DOCK7: variants seen among roughly 807,000 people sequenced by gnomAD.
The protein encoded by DOCK7 is dedicator of cytokinesis 7.
DOCK7 carries 138 observed loss-of-function variants against 271.0 expected under a neutral mutation model. The ratio of observed to expected loss-of-function variants is 0.51; its 90% CI spans 0.44 to 0.59. The LOEUF is 0.59. Among genes scored for constraint, DOCK7 ranks in the 20% least tolerant of loss-of-function variants. DOCK7 has a pLI of 0.00. For missense variants in DOCK7, 2,066 were observed against 2,592.4 expected (o/e 0.80, Z 4.41); for synonymous variants, 823 against 876.1 (o/e 0.94, Z 1.07).
intron 37 of DOCK7, among the ~76,000 whole-genome samples, chr1:62,504,032 G>T (rs1225850538): frequency 3.0e-5 from 4 of 135,380 alleles, no homozygotes; most frequent in African/African-American, 1.1e-4. Context: ...GGGCGACTGA[G>T]TGAGACTCCG....
chr1:62,490,852 T>C (rs950217372), intron 41 of DOCK7, among the ~76,000 whole-genome samples: 2 of 152,042 alleles, frequency 1.3e-5, no homozygotes, highest in African/African-American at 4.8e-5. Context: ...GGAACTGGAA[T>C]TGGAATGGTC....
chr1:62,537,831 TTAAAAC>T, intron 28 of DOCK7, 54 bp downstream of exon 28: 3 of 1,482,414 alleles, frequency 2.0e-6, no homozygotes, highest in Non-Finnish European at 2.8e-6. Flanking sequence ...TTTCCATTGT[TTAAAAC>T]TATTCTTCAC....
intron 4 of DOCK7, 122 bp downstream of exon 4, chr1:62,653,603 T>C (rs1342951841): frequency 1.5e-6 from 1 of 658,144 alleles, no homozygotes; most frequent in African/African-American, 1.9e-5. Flanking sequence ...AGTTCTTCTT[T>C]TGTTTCTTCA....
At chr1:62,477,389 T>C (rs1356111492) in intron 44 of DOCK7, among the ~76,000 whole-genome samples, 1 of 152,210 alleles carries the variant, frequency 6.6e-6, no homozygotes, top group Non-Finnish European at 1.5e-5. Context: ...ACTTAATTCT[T>C]TGTCTTTTTC....
chr1:62,598,783 C>A, intron 14 of DOCK7: 1 of 1,603,100 alleles, frequency 6.2e-7, no homozygotes, highest in South Asian at 1.1e-5. Flanking sequence ...ACAGCATAGT[C>A]AAATAAAAGA....
Position 62,568,528 on chromosome 1 carries a change from C to T in DOCK7, c.2113-6825G>A, listed in dbSNP as rs1470011489. 3.2e-4 allele frequency among the ~76,000 whole-genome samples: 46 copies of T among 144,596 alleles called. 1 individual carries two copies. The highest frequency in any genetic ancestry group is 2.4e-4 in the Non-Finnish European group (16 of 66,750). 94.9% of individuals were successfully genotyped at this position (144,596 alleles called of 152,430 possible). A position where few individuals can be genotyped will look rare whatever the true frequency, so the allele number is the denominator to read the frequency against. ...CCATGTTGGCCAGGCTGGTCTCAAA[C>T]TCCTGACCTCAAGTAATCCCCCTGC... On this transcript the variant is annotated intron_variant, in intron 18 of 49. Coordinates refer to ENST00000635253, the MANE Select transcript of DOCK7 (RefSeq NM_001367561.1).
intron 28 of DOCK7, 39 bp from the exon 29 acceptor site, chr1:62,535,671 T>A: frequency 6.3e-7 from 1 of 1,594,114 alleles, no homozygotes; most frequent in Non-Finnish European, 8.6e-7. Context: ...ATAACAGCAG[T>A]GCAACAAAGC....
Position 62,479,801 on chromosome 1 carries a change from A to C in DOCK7, c.5509-1976T>G, listed in dbSNP as rs56852892. 148 of 226,406 alleles carry C rather than the reference A, an allele frequency of 6.5e-4. 1 individual carries two copies. In the East Asian group the frequency reaches 0.017, roughly 25 times the overall value. 14.0% of individuals were successfully genotyped at this position (226,406 alleles called of 1,614,324 possible). A position where few individuals can be genotyped will look rare whatever the true frequency, so the allele number is the denominator to read the frequency against. ...TGGGCTCAAGCGATCCTTCCACCTCAGTCTCCTGAGTAGCTAGGACTACAG... is the reference window on the plus strand; with the variant it reads ...TGGGCTCAAGCGATCCTTCCACCTCCGTCTCCTGAGTAGCTAGGACTACAG... On this transcript the variant is annotated intron_variant, in intron 43 of 49. Transcript: ENST00000635253.
intron 9 of DOCK7, 58 bp downstream of exon 9, chr1:62,634,715 T>C (rs1655041991): frequency 6.6e-7 from 1 of 1,508,552 alleles, no homozygotes; most frequent in Non-Finnish European, 9.0e-7. Flanking sequence ...TTTATAATAC[T>C]GACAGACAAG....
chr1:62,632,981 GA>G (rs202064749), intron 10 of DOCK7, among the ~76,000 whole-genome samples: 153 of 146,760 alleles, frequency 1.0e-3, no homozygotes, highest in Admixed American at 2.7e-3. Flanking sequence ...TGTCTCAAAA[GA>G]AAAAAAAAAT....
intron 21 of DOCK7, among the ~76,000 whole-genome samples, chr1:62,553,741 A>G (rs932658465): frequency 1.3e-4 from 20 of 152,094 alleles, no homozygotes; most frequent in African/African-American, 4.3e-4. Flanking sequence ...ATAAAACCAT[A>G]TGAACTATAA....
chr1:62,462,914 CTTTT>C (rs34400688), intron 48 of DOCK7, among the ~76,000 whole-genome samples: 7 of 79,328 alleles, frequency 8.8e-5, no homozygotes, highest in Admixed American at 5.4e-4. Flanking sequence ...GTAGAAAAAG[CTTTT>C]TTTTTTTTTT....
chr1:62,511,409 T>A (rs891462392), intron 33 of DOCK7: 3 of 152,142 alleles, frequency 2.0e-5, no homozygotes, highest in Non-Finnish European at 4.4e-5. Flanking sequence ...AATACACAAA[T>A]ATACATTTAA....
At position 62,495,640 on chromosome 1, in the gene DOCK7, A is replaced by G; in HGVS notation, c.4965T>C (p.Asp1655=). The G allele has an allele frequency of 6.3e-7, 1 of 1,589,840 alleles. No homozygotes were observed. The highest frequency in any genetic ancestry group is 8.5e-7 in the Non-Finnish European group (1 of 1,174,308). ...LVFNLHMILS[D]TVKMKEHQED... ...CCTGGTGTTCCTTCATTTTCACAGTATCAGAAAGAATCATATGGAGATTGA... is the reference window on the plus strand; with the variant it reads ...CCTGGTGTTCCTTCATTTTCACAGTGTCAGAAAGAATCATATGGAGATTGA... The change falls in exon 39 of 50, where the codon GAT becomes GAC. Residue 1655 remains aspartate, a synonymous_variant. Coordinates refer to ENST00000635253, the MANE Select transcript of DOCK7 (RefSeq NM_001367561.1).
In DOCK7 at chr1:62,455,255, A is replaced by G; in HGVS notation, c.*159T>C. 2 of 781,578 alleles carry G rather than the reference A, an allele frequency of 2.6e-6. No individual in the cohort carries two copies. Among genetic ancestry groups the G allele is most frequent in the Non-Finnish European group, 4.4e-6 (2 of 457,922 alleles). The allele number at this position is 781,578 out of a possible 1,614,324, so 48.4% of individuals were successfully genotyped here. On this transcript the variant is annotated 3_prime_UTR_variant, in exon 50 of 50. Transcript: ENST00000635253. ...ATTAGAAACCATAGCCATGATTCTC[A>G]AGCGTTAACAATCTACATTTGATAT...
intron 4 of DOCK7, among the ~76,000 whole-genome samples, chr1:62,651,189 G>A (rs950880172): frequency 2.7e-5 from 4 of 150,600 alleles, no homozygotes; most frequent in African/African-American, 9.8e-5. Context: ...GCAAACTATT[G>A]CAAGGACAAA....
At chr1:62,581,215 TAGG>T (rs750344569) in intron 16 of DOCK7, among the ~76,000 whole-genome samples, 1 of 151,794 alleles carries the variant, frequency 6.6e-6, no homozygotes, top group Admixed American at 6.6e-5. Context: ...GAAGAATGAG[TAGG>T]AGTTCAATAA....
intron 14 of DOCK7, among the ~76,000 whole-genome samples, chr1:62,612,829 T>C (rs1035809695): frequency 1.3e-5 from 2 of 152,170 alleles, no homozygotes; most frequent in South Asian, 2.1e-4. Context: ...TTGCTAGATA[T>C]AGTCTTTCAA....
intron 29 of DOCK7, among the ~76,000 whole-genome samples, chr1:62,534,523 A>C (rs1645279466): frequency 6.6e-6 from 1 of 152,034 alleles, no homozygotes; most frequent in Admixed American, 6.5e-5. Flanking sequence ...GCTGAGGCAG[A>C]AGAATTGCTT....
Sources: allele counts gnomAD v4.1 joint callset (sites outside exome capture counted in the v4.1 genomes callset), GRCh38; gene constraint gnomAD v4.1.1; transcripts MANE v1.5; gene names NCBI Gene and HGNC (gene_info 2026-07-23, HGNC 2026-07-21).